AGTR2: variants seen among roughly 807,000 people sequenced by gnomAD.
AGTR2 encodes the protein type-2 angiotensin II receptor.
In AGTR2, 15 loss-of-function variants were observed where a neutral mutation model predicts 14.2. The ratio of observed to expected loss-of-function variants is 1.05; its 90% CI spans 0.70 to 1.62. The LOEUF (loss-of-function observed/expected upper bound fraction) is 1.62. Ranked by LOEUF, AGTR2 falls within the 40% of genes most tolerant of loss-of-function variation. The pLI is 0.00. For missense variants in AGTR2, 274 were observed against 273.1 expected (o/e 1.00, Z -0.02); for synonymous variants, 101 against 98.5 (o/e 1.03, Z -0.15).
chrX:116,172,906 C>G lies in AGTR2; in HGVS notation c.626C>G (p.Ala209Gly). 2 of 1,211,022 alleles carry G rather than the reference C, an allele frequency of 1.7e-6. No homozygotes were observed. Among genetic ancestry groups the G allele is most frequent in the Non-Finnish European group, 2.2e-6 (2 of 895,207 alleles). The part of the protein sequence containing the change: ...FPPEKYAQWS[A>G]GIALMKNILG... ...CCTGAGAAATATGCCCAATGGTCAG[C>G]TGGGATTGCCTTAATGAAAAATATC... is the stretch of plus-strand genomic sequence containing the variant. Residue 209 changes from alanine to glycine, a missense_variant, in exon 3 of 3, where the codon GCT becomes GGT. Transcript: ENST00000371906.
rs1171636913 is a variant in AGTR2 at position 116,174,612 on chromosome X, C to T, written c.*1240C>T. On this transcript the variant is annotated 3_prime_UTR_variant, in exon 3 of 3. Coordinates refer to ENST00000371906, the MANE Select transcript of AGTR2 (RefSeq NM_000686.5). The stretch of plus-strand genomic sequence containing the variant: ...TTAAAGCTCCTAAGTTAGAGGAGTG[C>T]CTAAAACTGAGTTACCTAAAGTTTA... The T allele has an allele frequency of 1.6e-5, 2 of 122,447 alleles. No homozygotes were observed. The highest frequency in any genetic ancestry group is 3.3e-5 in the African/African-American group (1 of 30,579). 10.1% of individuals were successfully genotyped at this position (122,447 alleles called of 1,213,427 possible).
At position 116,173,402 on chromosome X, in the gene AGTR2, TG is replaced by T; in HGVS notation, c.*32del. 1 of 1,208,328 alleles carries T rather than the reference TG, an allele frequency of 8.3e-7. No homozygotes were observed. The highest frequency in any genetic ancestry group is 1.1e-6 in the Non-Finnish European group (1 of 892,663). ...GAGAGCAAAATGCATGTAATCAACATGGCTACTTGCTTTGAGGCTCACCAGA... is the reference window on the plus strand; with the variant it reads ...GAGAGCAAAATGCATGTAATCAACATGCTACTTGCTTTGAGGCTCACCAGA... On this transcript the variant is annotated 3_prime_UTR_variant, in exon 3 of 3. Transcript: ENST00000371906.
chrX:116,171,654 A>G (rs996876975), intron 2 of AGTR2, among the ~76,000 whole-genome samples: 1 of 111,476 alleles, frequency 9.0e-6, no homozygotes, highest in Admixed American at 9.6e-5. Context: ...ATTTTTAATT[A>G]TTAAAGACAA....
In AGTR2 at chrX:116,170,965, C is replaced by T. The variant is rs1922426654; in HGVS notation, c.-95-3C>T. 9.0e-6 allele frequency: 1 copy of T among 111,479 alleles called. No homozygotes were observed. The highest frequency in any genetic ancestry group is 1.9e-5 in the Non-Finnish European group (1 of 53,036). The allele number at this position is 111,479 out of a possible 1,213,427, so 9.2% of individuals were successfully genotyped here. ...AATTATTTAGCTGCTGTTTCTCTTA[C>T]AGGAGTGTGTTTAGGCACTAAGCAA... On this transcript the variant is annotated splice_region_variant and splice_polypyrimidine_tract_variant and intron_variant, in intron 1 of 2. Transcript: ENST00000371906.
rs1556674026 is a variant in AGTR2 at position 116,174,955 on chromosome X, A to C, written c.*1583A>C. 8.1e-6 allele frequency: 1 copy of C among 123,304 alleles called. No homozygotes were observed. Among genetic ancestry groups the C allele is most frequent in the African/African-American group, 3.2e-5 (1 of 30,913 alleles). The allele number at this position is 123,304 out of a possible 1,213,427, so 10.2% of individuals were successfully genotyped here. A position where few individuals can be genotyped will look rare whatever the true frequency, so the allele number is the denominator to read the frequency against. ...TTTGTAAAACAGCTCATATAAATAA[A>C]ATTTTTAATTGGAAGAACATTCGTG... On this transcript the variant is annotated 3_prime_UTR_variant, in exon 3 of 3. Coordinates refer to ENST00000371906, the MANE Select transcript of AGTR2 (RefSeq NM_000686.5).
chrX:116,172,042 C>CT (rs1922464842), intron 2 of AGTR2, among the ~76,000 whole-genome samples: 1 of 111,919 alleles, frequency 8.9e-6, no homozygotes, highest in Non-Finnish European at 1.9e-5. Flanking sequence ...TCTGAAATGT[C>CT]TTTTTTCTAC....
chrX:116,171,184 ACTAT>A (rs1386328531), intron 2 of AGTR2, among the ~76,000 whole-genome samples, 157 bp downstream of exon 2: 1 of 110,637 alleles, frequency 9.0e-6, no homozygotes, highest in Non-Finnish European at 1.9e-5. Flanking sequence ...GTATTTTGAA[ACTAT>A]CTAAAGTAAA....
In AGTR2 at chrX:116,173,439, A is replaced by G; in HGVS notation, c.*67A>G. On this transcript the variant is annotated 3_prime_UTR_variant, in exon 3 of 3. Coordinates refer to ENST00000371906, the MANE Select transcript of AGTR2 (RefSeq NM_000686.5). Reference sequence around the variant, plus strand: ...TTGAGGCTCACCAGAATTATTTTTAAGTGGTTTTAATAAAATAATAAAATT... The same window carrying G: ...TTGAGGCTCACCAGAATTATTTTTAGGTGGTTTTAATAAAATAATAAAATT... 1 of 1,163,221 alleles carries G rather than the reference A, an allele frequency of 8.6e-7. No homozygotes were observed. Among genetic ancestry groups the G allele is most frequent in the Non-Finnish European group, 1.2e-6 (1 of 857,966 alleles).
At chrX:116,171,708 T>C (rs1221839405) in intron 2 of AGTR2, among the ~76,000 whole-genome samples, 1 of 111,203 alleles carries the variant, frequency 9.0e-6, no homozygotes, top group East Asian at 2.8e-4. Context: ...CATATTCTCT[T>C]TTAGTTTTTT....
rs121917813 is a variant in AGTR2, at chrX:116,172,437, A to T, written c.157A>T (p.Ile53Phe). ...AGATGCAATTCCTATTCTTTACTACATTATATTTGTAATTGGATTTCTGGT... is the reference window on the plus strand; with the variant it reads ...AGATGCAATTCCTATTCTTTACTACTTTATATTTGTAATTGGATTTCTGGT... ...HLDAIPILYYIIFVIGFLVNI... is the reference protein window; with the variant it reads ...HLDAIPILYYFIFVIGFLVNI... Residue 53 changes from isoleucine (I) to phenylalanine (F), a missense_variant, in exon 3 of 3, where the codon ATT (isoleucine) becomes TTT (phenylalanine). By Grantham distance (21) the Ile-to-Phe change is conservative (BLOSUM62 0). Coordinates refer to ENST00000371906, the MANE Select transcript of AGTR2 (RefSeq NM_000686.5). 90 of 1,208,338 alleles carry T rather than the reference A, an allele frequency of 7.4e-5. No homozygotes were observed. The highest frequency in any genetic ancestry group is 7.3e-5 in the Non-Finnish European group (65 of 894,021).
At chrX:116,171,779 A>G (rs781949193) in intron 2 of AGTR2, among the ~76,000 whole-genome samples, 1 of 111,026 alleles carries the variant, frequency 9.0e-6, no homozygotes, top group Non-Finnish European at 1.9e-5. Flanking sequence ...AGTGATTTGT[A>G]TGTAATTAGT....
rs932512501 is a variant in AGTR2, at chrX:116,173,021, C to T, written c.741C>T (p.Asn247=). The change falls in exon 3 of 3, where the codon AAC becomes AAT. Residue 247 remains asparagine, a synonymous_variant. Coordinates refer to ENST00000371906, the MANE Select transcript of AGTR2 (RefSeq NM_000686.5). ...HLLKTNSYGK[N]RITRDQVLKM... is the part of the protein sequence containing the mutation. ...TGAAGACGAATAGCTATGGGAAGAA[C>T]AGGATAACCCGTGACCAAGTCCTGA... 1.7e-6 allele frequency: 2 copies of T among 1,211,359 alleles called. No homozygotes were observed. The highest frequency in any genetic ancestry group is 2.2e-6 in the Non-Finnish European group (2 of 895,318).
Position 116,172,608 on chromosome X carries a change from T to C in AGTR2, c.328T>C (p.Trp110Arg). 1 of 1,211,432 alleles carries C rather than the reference T, an allele frequency of 8.3e-7. No homozygotes were observed. Among genetic ancestry groups the C allele is most frequent in the Non-Finnish European group, 1.1e-6 (1 of 895,293 alleles). Residue 110 changes from tryptophan (W) to arginine (R), a missense_variant, in exon 3 of 3, where the codon TGG becomes CGG. Physicochemically the swap from Trp to Arg is moderately radical, Grantham distance 101. Transcript: ENST00000371906. ...WATYYSYRYD[W>R]LFGPVMCKVF... ...AACCTATTATTCTTATAGATATGAC[T>C]GGCTCTTTGGACCTGTGATGTGCAA...
rs1556673851 is a variant in AGTR2 at position 116,173,265 on chromosome X, C to T, written c.985C>T (p.Leu329Phe). The T allele has an allele frequency of 1.7e-6, 2 of 1,211,271 alleles. No homozygotes were observed. The highest frequency in any genetic ancestry group is 2.2e-6 in the Non-Finnish European group (2 of 895,277). Residue 329 changes from leucine (L) to phenylalanine (F), a missense_variant, in exon 3 of 3, where the codon CTC becomes TTC. By Grantham distance (22) the Leu-to-Phe change is conservative (BLOSUM62 0). Coordinates refer to ENST00000371906, the MANE Select transcript of AGTR2 (RefSeq NM_000686.5). ...TGTTGGAAACCGGTTCCAACAGAAG[C>T]TCCGCAGTGTGTTTAGGGTTCCAAT... Reference protein sequence around the residue: ...CFVGNRFQQKLRSVFRVPITW... With the variant: ...CFVGNRFQQKFRSVFRVPITW...
chrX:116,172,598 T>C lies in AGTR2; in HGVS notation c.318T>C (p.Tyr106=). 8.3e-7 allele frequency: 1 copy of C among 1,211,408 alleles called. No individual in the cohort carries two copies. The highest frequency in any genetic ancestry group is 1.1e-6 in the Non-Finnish European group (1 of 895,263). The change falls in exon 3 of 3, where the codon TAT becomes TAC. Residue 106 remains tyrosine (Y), a synonymous_variant. Transcript: ENST00000371906. Reference sequence around the variant, plus strand: ...CTCTATGGGCAACCTATTATTCTTATAGATATGACTGGCTCTTTGGACCTG... The same window carrying C: ...CTCTATGGGCAACCTATTATTCTTACAGATATGACTGGCTCTTTGGACCTG... ...TLPLWATYYS[Y]RYDWLFGPVM...
Position 116,172,881 on chromosome X carries a change from C to T in AGTR2, c.601C>T (p.Pro201Ser). ...GAATGCTTGCATTATGGCTTTCCCA[C>T]CTGAGAAATATGCCCAATGGTCAGC... ...GVNACIMAFP[P>S]EKYAQWSAGI... The change falls in exon 3 of 3, where the codon CCT (proline) becomes TCT (serine). Residue 201 changes from proline (P) to serine (S), a missense_variant. Physicochemically the swap from Pro to Ser is moderately conservative, Grantham distance 74. Transcript: ENST00000371906. 2 of 1,211,464 alleles carry T rather than the reference C, an allele frequency of 1.7e-6. No individual in the cohort carries two copies. Among genetic ancestry groups the T allele is most frequent in the Non-Finnish European group, 2.2e-6 (2 of 895,381 alleles).
chrX:116,173,479 C>T lies in AGTR2; in HGVS notation c.*107C>T, dbSNP rs1922537656. The T allele has an allele frequency of 6.0e-6, 6 of 996,680 alleles. No individual in the cohort carries two copies. The Admixed American group carries it at 1.6e-4, about 27-fold the overall frequency. 82.1% of individuals were successfully genotyped at this position (996,680 alleles called of 1,213,427 possible). On this transcript the variant is annotated 3_prime_UTR_variant, in exon 3 of 3. Transcript: ENST00000371906. ...ATAATAAAATTTCCCCTAATCTTTT[C>T]TGAATCTTCTGAAACCAAATGTAAC...
Position 116,172,813 on chromosome X carries a change from C to G in AGTR2, c.533C>G (p.Thr178Arg), listed in dbSNP as rs1922503722. The change falls in exon 3 of 3, where the codon ACA becomes AGA. Residue 178 changes from threonine (T) to arginine (R), a missense_variant. Coordinates refer to ENST00000371906, the MANE Select transcript of AGTR2 (RefSeq NM_000686.5). ...WCMACLSSLP[T>R]FYFRDVRTIE... ...ATGGCCTGTTTGTCCTCATTGCCAACATTTTATTTTCGAGACGTCAGAACC... is the reference window on the plus strand; with the variant it reads ...ATGGCCTGTTTGTCCTCATTGCCAAGATTTTATTTTCGAGACGTCAGAACC... The G allele has an allele frequency of 8.3e-7, 1 of 1,211,008 alleles. No homozygotes were observed. The highest frequency in any genetic ancestry group is 1.1e-6 in the Non-Finnish European group (1 of 894,940).
In AGTR2 at chrX:116,173,231, G is replaced by C; in HGVS notation, c.951G>C (p.Leu317=). 8.3e-7 allele frequency: 1 copy of C among 1,211,336 alleles called. No homozygotes were observed. Among genetic ancestry groups the C allele is most frequent in the Non-Finnish European group, 1.1e-6 (1 of 895,341 alleles). The part of the protein sequence containing the change: ...GFTNSCVNPF[L]YCFVGNRFQQ... ...CCAACAGCTGCGTTAATCCGTTTCT[G>C]TATTGTTTTGTTGGAAACCGGTTCC... Residue 317 remains leucine (L), a synonymous_variant, in exon 3 of 3, where the codon CTG becomes CTC. Coordinates refer to ENST00000371906, the MANE Select transcript of AGTR2 (RefSeq NM_000686.5).
Sources: allele counts gnomAD v4.1 joint callset (sites outside exome capture counted in the v4.1 genomes callset), GRCh38; gene constraint gnomAD v4.1.1; transcripts MANE v1.5; gene names NCBI Gene and HGNC (gene_info 2026-07-23, HGNC 2026-07-21).